CFAP77: variants seen among roughly 807,000 people sequenced by gnomAD.
The protein encoded by CFAP77 is cilia- and flagella-associated protein 77.
Under a neutral mutation model 31.1 loss-of-function variants are expected in CFAP77, and 25 were observed. The observed-to-expected ratio is 0.80, with a 90% CI of 0.59 to 1.12. The LOEUF (loss-of-function observed/expected upper bound fraction) is 1.12. Among genes scored for constraint, CFAP77 ranks in the 50% most tolerant of loss-of-function variants. The pLI is 0.00. For missense variants in CFAP77, 377 were observed against 397.3 expected (o/e 0.95, Z 0.44); for synonymous variants, 151 against 159.9 (o/e 0.94, Z 0.42).
At chr9:132,538,891 T>G (rs1322178302) in intron 4 of CFAP77, among the ~76,000 whole-genome samples, 2 of 151,774 alleles carry the variant, frequency 1.3e-5, no homozygotes, top group African/African-American at 4.8e-5. Flanking sequence ...ATCGAGACCA[T>G]CCTGGCTAAC....
Position 132,513,307 on chromosome 9 carries a change from C to T in CFAP77, c.524+13707C>T, listed in dbSNP as rs747589754. On this transcript the variant is annotated intron_variant, in intron 3 of 5. Coordinates refer to ENST00000393216, the MANE Select transcript of CFAP77 (RefSeq NM_001282957.2). ...AGTTCAGAAGCAACATAACTAACTC[C>T]CGTGAACCCACTACCTGGATTTAGC... The T allele has an allele frequency of 3.9e-6, 6 of 1,549,282 alleles. No homozygotes were observed. In the South Asian group the frequency reaches 6.0e-5, roughly 15 times the overall value.
chr9:132,572,373 C>G lies in CFAP77; in HGVS notation c.733-15C>G, dbSNP rs766034575. The G allele has an allele frequency of 3.1e-6, 5 of 1,611,668 alleles. No homozygotes were observed. In the African/African-American group the frequency reaches 5.3e-5, roughly 17 times the overall value. On this transcript the variant is annotated splice_polypyrimidine_tract_variant and intron_variant, in intron 5 of 5. Transcript: ENST00000393216. ...AGTCTCCCCTCACCCACCCACTCTT[C>G]CCTTCTATCCACAGGTGGGCCGCCA...
intron 1 of CFAP77, among the ~76,000 whole-genome samples, chr9:132,438,037 G>T (rs546723038): frequency 6.6e-6 from 1 of 150,492 alleles, no homozygotes; most frequent in Non-Finnish European, 1.5e-5. Flanking sequence ...AAACCTCGTC[G>T]CTACTAAAAA....
Position 132,481,963 on chromosome 9 carries a change from G to T in CFAP77, c.196-16732G>T, listed in dbSNP as rs940154633. ...GAAGGAACAAGGGTTTATGGTTGGGGGGGGGGGGGGCGGCGGAACACTGAA... is the reference window on the plus strand; with the variant it reads ...GAAGGAACAAGGGTTTATGGTTGGGTGGGGGGGGGGCGGCGGAACACTGAA... On this transcript the variant is annotated intron_variant, in intron 1 of 5. Coordinates refer to ENST00000393216, the MANE Select transcript of CFAP77 (RefSeq NM_001282957.2). The surrounding 1 kb of genome is among the most constrained non-coding windows in gnomAD (Gnocchi z 5.0). Among the ~76,000 whole-genome samples the T allele has an allele frequency of 7.6e-6, 1 of 132,314 alleles. No individual in the cohort carries two copies. Among genetic ancestry groups the T allele is most frequent in the African/African-American group, 3.1e-5 (1 of 32,670 alleles). 86.8% of individuals were successfully genotyped at this position (132,314 alleles called of 152,430 possible).
At chr9:132,503,693 A>G (rs1420156511) in intron 3 of CFAP77, among the ~76,000 whole-genome samples, 1 of 152,224 alleles carries the variant, frequency 6.6e-6, no homozygotes, top group Admixed American at 6.5e-5. Context: ...TGACCTCCCC[A>G]AGTTCACACA....
intron 1 of CFAP77, among the ~76,000 whole-genome samples, chr9:132,457,245 A>G (rs1589861040): frequency 7.6e-6 from 1 of 131,108 alleles, no homozygotes; most frequent in South Asian, 2.7e-4. Flanking sequence ...GCTCCCACGC[A>G]TGCCCGCCAC....
At chr9:132,488,028 T>C (rs1295763045) in intron 1 of CFAP77, among the ~76,000 whole-genome samples, 1 of 152,132 alleles carries the variant, frequency 6.6e-6, no homozygotes, top group Non-Finnish European at 1.5e-5. Context: ...ATACAGATAT[T>C]TATTTAATCA....
At chr9:132,465,643 G>T (rs778521720) in intron 1 of CFAP77, among the ~76,000 whole-genome samples, 2 of 152,172 alleles carry the variant, frequency 1.3e-5, no homozygotes, top group African/African-American at 4.8e-5. Context: ...AAAAAAAGGG[G>T]TTGTTTATTT....
chr9:132,542,926 T>C lies in CFAP77; in HGVS notation c.631-20T>C. The C allele has an allele frequency of 6.2e-7, 1 of 1,603,862 alleles. No homozygotes were observed. Among genetic ancestry groups the C allele is most frequent in the Non-Finnish European group, 8.5e-7 (1 of 1,170,722 alleles). ...AGTAGCCGGGCAACCATCTCACCTT[T>C]GCCTTTCCCTGGCCTACAGGTGGTC... On this transcript the variant is annotated intron_variant, in intron 4 of 5. Coordinates refer to ENST00000393216, the MANE Select transcript of CFAP77 (RefSeq NM_001282957.2).
chr9:132,498,614 G>A lies in CFAP77; in HGVS notation c.196-81G>A. ...GGCCTGGGGGAAATGCAGGCATCTG[G>A]TGCCTCCCTGCTGCCGGATTACAAT... On this transcript the variant is annotated intron_variant, in intron 1 of 5. Transcript: ENST00000393216. This position sits in a 1 kb window ranked among gnomAD's most constrained non-coding sequence, Gnocchi z 4.2. 9.2e-7 allele frequency: 1 copy of A among 1,084,484 alleles called. No individual in the cohort carries two copies. Among genetic ancestry groups the A allele is most frequent in the Non-Finnish European group, 1.4e-6 (1 of 729,078 alleles). The allele number at this position is 1,084,484 out of a possible 1,614,324, so 67.2% of individuals were successfully genotyped here. A position where few individuals can be genotyped will look rare whatever the true frequency, so the allele number is the denominator to read the frequency against.
intron 1 of CFAP77, among the ~76,000 whole-genome samples, chr9:132,485,565 G>A (rs562471706): frequency 1.3e-5 from 2 of 152,200 alleles, no homozygotes; most frequent in Non-Finnish European, 2.9e-5. Context: ...GGCTCAGACT[G>A]TTATGAAAAT....
At chr9:132,513,845 G>GCC (rs1283295136) in intron 3 of CFAP77, among the ~76,000 whole-genome samples, 1 of 152,160 alleles carries the variant, frequency 6.6e-6, no homozygotes, top group African/African-American at 2.4e-5. Flanking sequence ...CCGGGTGCTG[G>GCC]CCCCATCTGC....
rs1852717495 is a variant in CFAP77 at position 132,545,564 on chromosome 9, T to C, written c.732+2517T>C. Among the ~76,000 whole-genome samples the C allele has an allele frequency of 6.6e-6, 1 of 152,214 alleles. No homozygotes were observed. The highest frequency in any genetic ancestry group is 6.5e-5 in the Admixed American group (1 of 15,286). ...CTCCCTATCCTACTTGCCAGAAACCTGGGGCCAAGGGAAATGGGGAATTGT... is the reference window on the plus strand; with the variant it reads ...CTCCCTATCCTACTTGCCAGAAACCCGGGGCCAAGGGAAATGGGGAATTGT... On this transcript the variant is annotated intron_variant, in intron 5 of 5. Coordinates refer to ENST00000393216, the MANE Select transcript of CFAP77 (RefSeq NM_001282957.2). This position sits in a 1 kb window ranked among gnomAD's most constrained non-coding sequence, Gnocchi z 4.6.
At chr9:132,465,638 A>T (rs147017945) in intron 1 of CFAP77, among the ~76,000 whole-genome samples, 2 of 152,346 alleles carry the variant, frequency 1.3e-5, no homozygotes, top group African/African-American at 4.8e-5. Flanking sequence ...GATGGAAAAA[A>T]AGGGGTTGTT....
At chr9:132,413,531 A>G (rs1264412982) in intron 1 of CFAP77, among the ~76,000 whole-genome samples, 1 of 152,228 alleles carries the variant, frequency 6.6e-6, no homozygotes, top group Non-Finnish European at 1.5e-5. Context: ...ATAAAATTAA[A>G]TAGAGAAAGA....
At chr9:132,518,032 T>G (rs1200225781) in intron 3 of CFAP77, among the ~76,000 whole-genome samples, 1 of 152,102 alleles carries the variant, frequency 6.6e-6, no homozygotes, top group African/African-American at 2.4e-5. Flanking sequence ...GAAACTTTTC[T>G]GGGGGGTTCC....
intron 3 of CFAP77, among the ~76,000 whole-genome samples, chr9:132,523,050 C>T (rs1312738096): frequency 3.3e-5 from 5 of 151,920 alleles, no homozygotes; most frequent in Admixed American, 3.3e-4. Context: ...TGCCTCGGGC[C>T]TCGCTGTGGA....
At chr9:132,425,304 A>C (rs191079292) in intron 1 of CFAP77, among the ~76,000 whole-genome samples, 1 of 152,144 alleles carries the variant, frequency 6.6e-6, no homozygotes, top group African/African-American at 2.4e-5. Flanking sequence ...CTCTGTGAGC[A>C]GAAGGGCCCG....
chr9:132,423,020 A>C (rs541722751), intron 1 of CFAP77, among the ~76,000 whole-genome samples: 13 of 152,322 alleles, frequency 8.5e-5, no homozygotes, highest in African/African-American at 2.6e-4. Context: ...CAAGTCGTTC[A>C]AGGGAACCTG....
Sources: gnomAD v4.1 joint callset for allele counts (sites outside exome capture counted in the v4.1 genomes callset) on GRCh38, gnomAD v4.1.1 for gene constraint, Gnocchi (gnomAD v3.1) non-coding constraint, MANE v1.5 for transcripts, NCBI Gene and HGNC (gene_info 2026-07-23, HGNC 2026-07-21) for gene names.